The following KCNU1 variants were observed in gnomAD, a reference collection of about 807,000 sequenced individuals.
KCNU1 encodes the protein potassium calcium-activated channel subfamily U member 1, also known as potassium channel subfamily U member 1.
In KCNU1, 93 loss-of-function variants were observed where a neutral mutation model predicts 126.8. The observed-to-expected ratio is 0.73, with a 90% CI of 0.62 to 0.87. The LOEUF (loss-of-function observed/expected upper bound fraction) is 0.87, where lower values mean the gene tolerates loss of function less well. KCNU1 is among the 40% of genes least tolerant of loss of function. The probability of loss-of-function intolerance (pLI) is 0.00; values close to 1 mark genes in which losing one functional copy is unlikely to be tolerated. For synonymous variants in KCNU1, 523 were observed against 494.2 expected, an observed-to-expected ratio of 1.06 and a Z score of -0.77; for missense variants, 1,330 against 1,367.1, an observed-to-expected ratio of 0.97 and a Z score of 0.43.
At chr8:36,803,003 T>G (rs1803367341) in intron 2 of KCNU1, among the ~76,000 whole-genome samples, 1 of 152,138 alleles carries the variant, frequency 6.6e-6, no homozygotes. Context: ...TTAAAGACCT[T>G]TCATGCCCAG....
Position 36,787,298 on chromosome 8 carries a change from G to A in KCNU1, c.196-8G>A, listed in dbSNP as rs1802740596. The stretch of plus-strand genomic sequence containing the variant: ...CTCACATTGTCAATTTCTTTCTCTT[G>A]ATTGTAGGAACTGTTCACATCAGGT... On this transcript the variant is annotated splice_polypyrimidine_tract_variant and splice_region_variant and intron_variant, in intron 1 of 26. Coordinates refer to ENST00000399881, the MANE Select transcript of KCNU1 (RefSeq NM_001031836.3). 1 of 1,601,848 alleles carries A rather than the reference G, an allele frequency of 6.2e-7. No homozygotes were observed. The highest frequency in any genetic ancestry group is 1.3e-5 in the African/African-American group (1 of 74,608).
Position 36,905,683 on chromosome 8 carries a change from C to T in KCNU1, c.2010-25C>T, listed in dbSNP as rs764877912. 5.6e-6 allele frequency: 7 copies of T among 1,258,752 alleles called. No individual in the cohort carries two copies. The East Asian group carries it at 9.3e-5, about 17-fold the overall frequency. The allele number at this position is 1,258,752 out of a possible 1,614,324, so 78.0% of individuals were successfully genotyped here. ...CAGAGGAGCTCCAAATAGTCTCAAACTAACTCTCCATTCTTCCTATTTAGG... is the reference window on the plus strand; with the variant it reads ...CAGAGGAGCTCCAAATAGTCTCAAATTAACTCTCCATTCTTCCTATTTAGG... On this transcript the variant is annotated intron_variant, in intron 19 of 26. Transcript: ENST00000399881.
At chr8:36,909,648 G>A in intron 21 of KCNU1, 113 bp downstream of exon 21, 1 of 663,864 alleles carries the variant, frequency 1.5e-6, no homozygotes, top group Admixed American at 2.8e-5. Flanking sequence ...GCCAGAAACT[G>A]TTCTAAATAT....
intron 24 of KCNU1, among the ~76,000 whole-genome samples, chr8:36,928,347 G>A (rs992749107): frequency 1.3e-5 from 2 of 151,904 alleles, no homozygotes; most frequent in African/African-American, 2.4e-5. Context: ...CATTATGTTC[G>A]ATCACTCTAC....
chr8:36,875,969 T>C (rs1244791668), intron 19 of KCNU1, among the ~76,000 whole-genome samples: 1 of 152,154 alleles, frequency 6.6e-6, no homozygotes, highest in South Asian at 2.1e-4. Context: ...TTTTATTCCT[T>C]TGAGAAATTC....
chr8:36,885,733 T>G (rs531084167), intron 19 of KCNU1, among the ~76,000 whole-genome samples: 1 of 151,858 alleles, frequency 6.6e-6, no homozygotes, highest in East Asian at 1.9e-4. Context: ...GTGGAGGTTG[T>G]GGTGAGCCAA....
At chr8:36,854,949 C>T (rs1805479449) in intron 18 of KCNU1, among the ~76,000 whole-genome samples, 1 of 152,120 alleles carries the variant, frequency 6.6e-6, no homozygotes, top group Non-Finnish European at 1.5e-5. Flanking sequence ...TATAATTGGA[C>T]AATGATTTTT....
At chr8:36,925,571 C>T (rs1808505367) in intron 24 of KCNU1, among the ~76,000 whole-genome samples, 1 of 152,142 alleles carries the variant, frequency 6.6e-6, no homozygotes, top group East Asian at 1.9e-4. Context: ...GCACCTGATT[C>T]TACTGGTTCT....
intron 22 of KCNU1, among the ~76,000 whole-genome samples, chr8:36,915,448 A>C (rs1302661791): frequency 6.6e-6 from 1 of 152,242 alleles, no homozygotes; most frequent in African/African-American, 2.4e-5. Flanking sequence ...TAACTCACAG[A>C]GTACATGTAA....
At chr8:36,812,848 G>A (rs754192517) in intron 7 of KCNU1, among the ~76,000 whole-genome samples, 1 of 152,110 alleles carries the variant, frequency 6.6e-6, no homozygotes, top group Non-Finnish European at 1.5e-5. Context: ...TTACTCATAA[G>A]GGCAGTGAGT....
At chr8:36,840,419 A>G (rs1804904721) in intron 14 of KCNU1, 44 bp from the exon 15 acceptor site, 6 of 903,490 alleles carry the variant, frequency 6.6e-6, no homozygotes, top group South Asian at 5.6e-5. Context: ...AACATTCTAC[A>G]TTCCTTGTCG....
intron 23 of KCNU1, among the ~76,000 whole-genome samples, chr8:36,920,137 C>T (rs1808285700): frequency 6.6e-6 from 1 of 152,116 alleles, no homozygotes; most frequent in South Asian, 2.1e-4. Context: ...AACTCCTGAG[C>T]TGTACACAGT....
At chr8:36,814,729 A>G (rs936985388) in intron 8 of KCNU1, among the ~76,000 whole-genome samples, 18 of 152,224 alleles carry the variant, frequency 1.2e-4, no homozygotes. Context: ...TCTGAAGAAA[A>G]TTCCATTCCT....
At chr8:36,901,379 G>A (rs1807412950) in intron 19 of KCNU1, among the ~76,000 whole-genome samples, 1 of 152,076 alleles carries the variant, frequency 6.6e-6, no homozygotes, top group South Asian at 2.1e-4. Flanking sequence ...GATTTATACA[G>A]GATAAGTTGC....
intron 21 of KCNU1, among the ~76,000 whole-genome samples, chr8:36,910,226 T>C (rs890254996): frequency 4.6e-5 from 7 of 152,208 alleles, no homozygotes; most frequent in Admixed American, 1.3e-4. Flanking sequence ...GCAAAAACCG[T>C]GGTTACTTTT....
chr8:36,808,671 T>A (rs781448384), intron 6 of KCNU1, 47 bp from the exon 7 acceptor site: 1 of 1,190,874 alleles, frequency 8.4e-7, no homozygotes, highest in Non-Finnish European at 1.2e-6. Flanking sequence ...GTTTGTGTTG[T>A]TCTGGAATCT....
intron 16 of KCNU1, 38 bp from the exon 17 acceptor site, chr8:36,845,542 G>A: frequency 3.2e-6 from 4 of 1,234,344 alleles, no homozygotes; most frequent in South Asian, 2.5e-5. Flanking sequence ...ACTGAAATCA[G>A]AGGGAAACAT....
At chr8:36,850,224 T>C (rs1805292370) in intron 18 of KCNU1, among the ~76,000 whole-genome samples, 1 of 152,216 alleles carries the variant, frequency 6.6e-6, no homozygotes. Flanking sequence ...TTATCAGATG[T>C]ATGATTGGCA....
intron 26 of KCNU1, among the ~76,000 whole-genome samples, chr8:36,933,844 T>C (rs555964405): frequency 2.6e-5 from 4 of 152,188 alleles, no homozygotes; most frequent in East Asian, 3.9e-4. Flanking sequence ...GCTGTGTTTA[T>C]GGGAATTTTT....
Sources: allele counts gnomAD v4.1 joint callset (sites outside exome capture counted in the v4.1 genomes callset), GRCh38; gene constraint gnomAD v4.1.1; transcripts MANE v1.5; gene names NCBI Gene and HGNC (gene_info 2026-07-23, HGNC 2026-07-21).